ADAMTS6: variants seen among roughly 807,000 people sequenced by gnomAD.
ADAMTS6 encodes the protein ADAM metallopeptidase with thrombospondin type 1 motif 6.
In ADAMTS6, 23 loss-of-function variants were observed where a neutral mutation model predicts 144.3. That is an observed-to-expected ratio of 0.16 (90% CI 0.11 to 0.23). The LOEUF (loss-of-function observed/expected upper bound fraction) is 0.23. Among genes scored for constraint, ADAMTS6 ranks in the 10% least tolerant of loss-of-function variants. The probability of loss-of-function intolerance (pLI) is 1.00; values close to 1 mark genes in which losing one functional copy is unlikely to be tolerated. For synonymous variants in ADAMTS6, 444 were observed against 457.5 expected, an observed-to-expected ratio of 0.97 and a Z score of 0.38; for missense variants, 999 against 1,379.6, an observed-to-expected ratio of 0.72 and a Z score of 4.37.
Position 65,172,887 on chromosome 5 carries a change from C to A in ADAMTS6, c.3032G>T (p.Arg1011Leu). Reference sequence around the variant, plus strand: ...AGGAGGGCAGCGGCCCAAACTGCAGCGGATGCGGACAGGAGGTTTGCTTTC... The same window carrying A: ...AGGAGGGCAGCGGCCCAAACTGCAGAGGATGCGGACAGGAGGTTTGCTTTC... ...PEESKPPVRI[R>L]CSLGRCPPPR... Residue 1011 changes from arginine to leucine, a missense_variant, in exon 23 of 25, where the codon CGC becomes CTC. Coordinates refer to ENST00000381055, the MANE Select transcript of ADAMTS6 (RefSeq NM_197941.4). 6.2e-7 allele frequency: 1 copy of A among 1,614,236 alleles called. No individual in the cohort carries two copies. Among genetic ancestry groups the A allele is most frequent in the Non-Finnish European group, 8.5e-7 (1 of 1,180,052 alleles).
intron 11 of ADAMTS6, among the ~76,000 whole-genome samples, chr5:65,282,926 G>A (rs933158079): frequency 2.0e-4 from 31 of 152,188 alleles, no homozygotes; most frequent in African/African-American, 7.2e-4. Flanking sequence ...CTGCTGGCTG[G>A]CTTTAAAATT....
intron 9 of ADAMTS6, among the ~76,000 whole-genome samples, chr5:65,311,022 C>T (rs988097034): frequency 6.6e-6 from 1 of 152,062 alleles, no homozygotes; most frequent in Non-Finnish European, 1.5e-5. Flanking sequence ...AAAAGATGTT[C>T]TTCCAGGATA....
chr5:65,416,824 T>C (rs1384443200), intron 7 of ADAMTS6, among the ~76,000 whole-genome samples: 2 of 150,812 alleles, frequency 1.3e-5, no homozygotes, highest in Non-Finnish European at 3.0e-5. Context: ...TATATCCCAA[T>C]TCTACTGAAA....
At chr5:65,351,435 C>G (rs902957416) in intron 7 of ADAMTS6, among the ~76,000 whole-genome samples, 9 of 152,098 alleles carry the variant, frequency 5.9e-5, no homozygotes, top group Non-Finnish European at 1.3e-4. Flanking sequence ...ATTTCTTTTG[C>G]AGAAAACAAT....
At chr5:65,189,947 G>A (rs1343853316) in intron 21 of ADAMTS6, among the ~76,000 whole-genome samples, 3 of 152,216 alleles carry the variant, frequency 2.0e-5, no homozygotes, top group African/African-American at 7.2e-5. Context: ...TCCCAAGAGA[G>A]AAGAATATGG....
At chr5:65,430,463 G>A (rs1044268254) in intron 7 of ADAMTS6, among the ~76,000 whole-genome samples, 18 of 152,034 alleles carry the variant, frequency 1.2e-4, no homozygotes, top group Non-Finnish European at 2.5e-4. Context: ...TCTTACTTTC[G>A]GAACATTTAA....
intron 1 of ADAMTS6, among the ~76,000 whole-genome samples, chr5:65,476,151 T>C (rs1760826718): frequency 6.6e-6 from 1 of 152,200 alleles, no homozygotes; most frequent in South Asian, 2.1e-4. Context: ...CAGCCTCTGA[T>C]ATAACTAACA....
chr5:65,282,981 C>G (rs1561374349), intron 11 of ADAMTS6, among the ~76,000 whole-genome samples: 1 of 152,090 alleles, frequency 6.6e-6, no homozygotes. Flanking sequence ...CATGCGCACA[C>G]TTTTGGCCCT....
chr5:65,342,742 T>C (rs78154402), intron 7 of ADAMTS6, among the ~76,000 whole-genome samples: 7,570 of 152,040 alleles, frequency 0.05, 642 homozygotes, highest in African/African-American at 0.17. Flanking sequence ...AGCATCCAAA[T>C]TGGAAAGAGG....
intron 1 of ADAMTS6, among the ~76,000 whole-genome samples, chr5:65,474,942 G>GAT (rs1167899273): frequency 6.6e-6 from 1 of 151,778 alleles, no homozygotes; most frequent in African/African-American, 2.4e-5. Context: ...TTCAATATCT[G>GAT]ATACTCATAA....
chr5:65,404,110 T>C (rs1754201279), intron 7 of ADAMTS6, among the ~76,000 whole-genome samples: 1 of 152,138 alleles, frequency 6.6e-6, no homozygotes, highest in South Asian at 2.1e-4. Context: ...GTATTGTATA[T>C]CATTAATGCA....
intron 11 of ADAMTS6, among the ~76,000 whole-genome samples, chr5:65,277,268 A>C (rs1054368943): frequency 5.3e-5 from 8 of 152,224 alleles, no homozygotes; most frequent in Non-Finnish European, 1.0e-4. Flanking sequence ...ACCAGGCATT[A>C]TGTTGGTTTT....
chr5:65,455,305 G>A (rs1759097382), intron 4 of ADAMTS6, among the ~76,000 whole-genome samples: 1 of 152,212 alleles, frequency 6.6e-6, no homozygotes, highest in South Asian at 2.1e-4. Context: ...CACTTTGGGA[G>A]CCTGAGGCGG....
intron 7 of ADAMTS6, among the ~76,000 whole-genome samples, chr5:65,436,269 C>T (rs563028033): frequency 6.6e-6 from 1 of 152,034 alleles, no homozygotes; most frequent in Non-Finnish European, 1.5e-5. Flanking sequence ...CATAGTGGCG[C>T]GACTGCACTC....
intron 9 of ADAMTS6, among the ~76,000 whole-genome samples, chr5:65,323,590 G>T (rs201298222): frequency 2.6e-5 from 4 of 151,486 alleles, no homozygotes; most frequent in Admixed American, 1.3e-4. Flanking sequence ...GTGTGCATGT[G>T]TCTTTATAGC....
chr5:65,162,620 T>TACAC (rs10529076), intron 24 of ADAMTS6, among the ~76,000 whole-genome samples: 15,709 of 145,758 alleles, frequency 0.11, 902 homozygotes, highest in African/African-American at 0.14. Context: ...TATAAGATAC[T>TACAC]ACACACACAC....
At chr5:65,418,595 A>G (rs1283811938) in intron 7 of ADAMTS6, among the ~76,000 whole-genome samples, 2 of 152,208 alleles carry the variant, frequency 1.3e-5, no homozygotes, top group African/African-American at 4.8e-5. Context: ...AGTACAATAA[A>G]TAATTTAATA....
intron 12 of ADAMTS6, among the ~76,000 whole-genome samples, chr5:65,271,169 C>A (rs1366027141): frequency 6.6e-6 from 1 of 151,932 alleles, no homozygotes; most frequent in South Asian, 2.1e-4. Context: ...GTGGGCGGAT[C>A]ACAAGGTCAG....
chr5:65,179,371 A>G (rs1754189447), intron 22 of ADAMTS6, among the ~76,000 whole-genome samples: 1 of 152,204 alleles, frequency 6.6e-6, no homozygotes, highest in Non-Finnish European at 1.5e-5. Context: ...TGAGCCTCCC[A>G]TGACCATAGT....
Sources: gnomAD v4.1 joint callset for allele counts (sites outside exome capture counted in the v4.1 genomes callset) on GRCh38, gnomAD v4.1.1 for gene constraint, MANE v1.5 for transcripts, NCBI Gene and HGNC (gene_info 2026-07-23, HGNC 2026-07-21) for gene names.